The following PSMG4 variants were observed in gnomAD, a reference collection of about 807,000 sequenced individuals.
PSMG4 encodes proteasome assembly chaperone 4, also known as proteasome (prosome, macropain) assembly chaperone 4.
Under a neutral mutation model 11.0 loss-of-function variants are expected in PSMG4, and 10 were observed. The ratio of observed to expected loss-of-function variants is 0.91; its 90% CI spans 0.56 to 1.54. The LOEUF (loss-of-function observed/expected upper bound fraction) is 1.54, where lower values mean the gene tolerates loss of function less well. Ranked by LOEUF, PSMG4 falls within the 40% of genes most tolerant of loss-of-function variation. The pLI is 0.00. For synonymous variants in PSMG4, 95 were observed against 71.3 expected, an observed-to-expected ratio of 1.33 and a Z score of -1.68; for missense variants, 198 against 160.9, an observed-to-expected ratio of 1.23 and a Z score of -1.25.
At chr6:3,263,968 C>T in intron 2 of PSMG4, 4 of 1,357,370 alleles carry the variant, frequency 2.9e-6, no homozygotes, top group Non-Finnish European at 3.9e-6. Flanking sequence ...CCAGGGCTGG[C>T]CTGTTCCCAA....
chr6:3,255,036 T>C, upstream of PSMG4: 2 of 1,549,868 alleles, frequency 1.3e-6, no homozygotes, highest in Non-Finnish European at 8.7e-7. Context: ...TGGCGCTTTC[T>C]GATTCTCTGG....
chr6:3,267,964 G>T lies in PSMG4; in HGVS notation c.*252G>T. 1 of 340,502 alleles carries T rather than the reference G, an allele frequency of 2.9e-6. No homozygotes were observed. The highest frequency in any genetic ancestry group is 5.5e-6 in the Non-Finnish European group (1 of 182,022). 21.1% of individuals were successfully genotyped at this position (340,502 alleles called of 1,614,324 possible). ...GAGGGATGAAATGGGATTTTTGTTG[G>T]GATTGAAGACTGTAATCTAAGAGTT... On this transcript the variant is annotated 3_prime_UTR_variant, in exon 3 of 3. Coordinates refer to ENST00000438998, the MANE Select transcript of PSMG4 (RefSeq NM_001128591.2).
chr6:3,254,973 T>G (rs1214695684), upstream of PSMG4: 2 of 1,408,896 alleles, frequency 1.4e-6, no homozygotes, highest in Non-Finnish European at 1.9e-6. Context: ...GCATGTGATG[T>G]GGCTGTGGAT....
At chr6:3,255,355 A>G (rs368004680), upstream of PSMG4, 33 of 1,443,480 alleles carry the variant, frequency 2.3e-5, no homozygotes, top group East Asian at 4.0e-4. Flanking sequence ...GTAGTTGCTT[A>G]ATTTTTCCTG....
chr6:3,266,862 T>TA, intron 2 of PSMG4: 1 of 36,766 alleles, frequency 2.7e-5, no homozygotes, highest in South Asian at 6.6e-4. Context: ...TTTTAAATAC[T>TA]TATTTTTTTT....
Position 3,263,743 on chromosome 6 carries a change from C to A in PSMG4, c.234C>A (p.Gly78=). 6.4e-7 allele frequency: 1 copy of A among 1,551,348 alleles called. No individual in the cohort carries two copies. ...ACACTTCCGACACGACCTCTACTGG[C>A]CTTGCCCAGCGCCTAGGTATGTACC... ...LGDTSDTTST[G]LAQRLARKTN... is the part of the protein sequence containing the mutation. The change falls in exon 2 of 3, where the codon GGC becomes GGA. Residue 78 remains glycine, a synonymous_variant. Transcript: ENST00000438998.
upstream of PSMG4, chr6:3,255,034 T>A (rs56813543): frequency 1.3e-6 from 2 of 1,549,676 alleles, no homozygotes; most frequent in Admixed American, 2.0e-5. Flanking sequence ...AATGGCGCTT[T>A]CTGATTCTCT....
chr6:3,254,987 A>C (rs1445541864), upstream of PSMG4: 5 of 1,510,420 alleles, frequency 3.3e-6, no homozygotes, highest in South Asian at 2.5e-5. Flanking sequence ...TGTGGATCCC[A>C]TGGACCTAGC....
chr6:3,257,215 G>C (rs1035243625), upstream of PSMG4, among the ~76,000 whole-genome samples: 1 of 152,208 alleles, frequency 6.6e-6, no homozygotes, highest in Admixed American at 6.5e-5. Context: ...GGGGAGCATA[G>C]TCAAGGGGAG....
At chr6:3,254,450 G>GC (rs927458548), upstream of PSMG4, among the ~76,000 whole-genome samples, 9 of 67,914 alleles carry the variant, frequency 1.3e-4, no homozygotes, top group Non-Finnish European at 3.9e-4. Flanking sequence ...ATAGTTTTCT[G>GC]CTTTTTTTGT....
At chr6:3,262,737 C>A (rs1758036355) in intron 1 of PSMG4, among the ~76,000 whole-genome samples, 1 of 152,036 alleles carries the variant, frequency 6.6e-6, no homozygotes, top group South Asian at 2.1e-4. Context: ...CAGGCTGCTT[C>A]TCCTAGAAAT....
upstream of PSMG4, among the ~76,000 whole-genome samples, chr6:3,254,741 T>G (rs1258517387): frequency 6.6e-6 from 1 of 152,110 alleles, no homozygotes; most frequent in African/African-American, 2.4e-5. Flanking sequence ...ACTCCCCCTG[T>G]GCCTCTTTTA....
chr6:3,259,031 G>A lies in PSMG4; in HGVS notation c.9G>A (p.Gly3=). The A allele has an allele frequency of 4.0e-6, 5 of 1,249,910 alleles. No individual in the cohort carries two copies. Among genetic ancestry groups the A allele is most frequent in the South Asian group, 3.6e-5 (1 of 28,166 alleles). The allele number at this position is 1,249,910 out of a possible 1,614,324, so 77.4% of individuals were successfully genotyped here. The part of the protein sequence containing the change: ME[G]LVVAAGGDVS... ...GGGAGCCGTGGGGCGGCATGGAGGG[G>A]CTGGTTGTCGCCGCCGGCGGGGACG... The change falls in exon 1 of 3, where the codon GGG becomes GGA. Residue 3 remains glycine (G), a synonymous_variant. Transcript: ENST00000438998.
chr6:3,260,189 T>C (rs2127257863), intron 1 of PSMG4, among the ~76,000 whole-genome samples: 1 of 95,678 alleles, frequency 1.0e-5, no homozygotes, highest in South Asian at 3.3e-4. Flanking sequence ...TGATCCTCCT[T>C]CCTCAGTGAG....
At position 3,259,182 on chromosome 6, in the gene PSMG4, A is replaced by G. The variant is rs773096208; in HGVS notation, c.160A>G (p.Met54Val). The change falls in exon 1 of 3, where the codon ATG becomes GTG. Residue 54 changes from methionine to valine, a missense_variant. Met to Val is a conservative substitution (Grantham distance 21). Transcript: ENST00000438998. ...GCACCTGCGCAACCTCGCCGTGGCC[A>G]TGTGCAGCCGCTACGTGAGTGCCTG... The part of the protein sequence containing the change: ...TPHLRNLAVA[M>V]CSRYDSIPVS... 1.5e-6 allele frequency: 2 copies of G among 1,295,218 alleles called. No individual in the cohort carries two copies. The highest frequency in any genetic ancestry group is 3.4e-5 in the East Asian group (1 of 29,822). 80.2% of individuals were successfully genotyped at this position (1,295,218 alleles called of 1,614,324 possible).
intron 1 of PSMG4, among the ~76,000 whole-genome samples, chr6:3,260,514 T>G (rs1185523457): frequency 6.6e-6 from 1 of 151,880 alleles, no homozygotes; most frequent in Non-Finnish European, 1.5e-5. Context: ...ATCTCGAAAT[T>G]CTGACCTCGT....
chr6:3,264,432 G>C, intron 2 of PSMG4: 1 of 1,470,028 alleles, frequency 6.8e-7, no homozygotes, highest in Non-Finnish European at 9.0e-7. Flanking sequence ...AGGCCCAGCT[G>C]CTTCTGCTCT....
At chr6:3,254,927 T>G, upstream of PSMG4, 2 of 1,103,338 alleles carry the variant, frequency 1.8e-6, no homozygotes, top group Non-Finnish European at 2.5e-6. Context: ...GCTTCAGCCA[T>G]TCTCTCACTG....
chr6:3,260,295 T>A (rs899430445), intron 1 of PSMG4, among the ~76,000 whole-genome samples: 15 of 122,788 alleles, frequency 1.2e-4, no homozygotes, highest in East Asian at 2.5e-4. Flanking sequence ...ATATATATTT[T>A]TTTTTTTTTT....
Sources: allele counts gnomAD v4.1 joint callset (sites outside exome capture counted in the v4.1 genomes callset), GRCh38; gene constraint gnomAD v4.1.1; transcripts MANE v1.5; gene names NCBI Gene and HGNC (gene_info 2026-07-23, HGNC 2026-07-21).